Variants in MED27 observed in about 807,000 individuals in gnomAD.
MED27 encodes the protein mediator of RNA polymerase II transcription subunit 27.
A neutral mutation model predicts 38.2 loss-of-function variants in MED27; 30 were observed. The observed-to-expected ratio is 0.79, with a 90% confidence interval of 0.59 to 1.07. The LOEUF is 1.07. Among genes scored for constraint, MED27 ranks in the 50% least tolerant of loss-of-function variants. MED27 has a pLI of 0.00. For missense variants in MED27, 289 were observed against 397.5 expected, an observed-to-expected ratio of 0.73 and a Z score of 2.32; for synonymous variants, 122 against 153.5, an observed-to-expected ratio of 0.79 and a Z score of 1.52.
chr9:132,000,276 G>A (rs764281587), intron 3 of MED27, among the ~76,000 whole-genome samples: 1 of 151,914 alleles, frequency 6.6e-6, no homozygotes, highest in Non-Finnish European at 1.5e-5. Flanking sequence ...TACTCATTAC[G>A]GAAATTCATG....
chr9:131,965,875 G>A (rs987125143), intron 3 of MED27, among the ~76,000 whole-genome samples: 7 of 151,692 alleles, frequency 4.6e-5, no homozygotes, highest in South Asian at 2.1e-4. Context: ...ACCACCACCC[G>A]CTGGGAATTC....
At chr9:131,898,446 C>T (rs975020626) in intron 4 of MED27, among the ~76,000 whole-genome samples, 1 of 152,130 alleles carries the variant, frequency 6.6e-6, no homozygotes, top group African/African-American at 2.4e-5. Context: ...AACTCCTGAC[C>T]TCAGGTGATC....
chr9:131,917,878 A>G lies in MED27; in HGVS notation c.573+21503T>C, dbSNP rs190381239. Reference sequence around the variant, plus strand: ...AAACTGAATTAGACAGCCTTAAAAAAATAAAAATAAAAATAAAGGTAGTGG... The same window carrying G: ...AAACTGAATTAGACAGCCTTAAAAAGATAAAAATAAAAATAAAGGTAGTGG... On this transcript the variant is annotated intron_variant, in intron 4 of 7. Transcript: ENST00000292035. This position sits in a 1 kb window ranked among gnomAD's most constrained non-coding sequence, Gnocchi z 4.6. Among the ~76,000 whole-genome samples the G allele has an allele frequency of 2.2e-3, 329 of 152,334 alleles. No individual in the cohort carries two copies. Among genetic ancestry groups the G allele is most frequent in the Non-Finnish European group, 3.7e-3 (254 of 68,030 alleles).
chr9:131,935,324 C>T (rs1830662748), intron 4 of MED27, among the ~76,000 whole-genome samples: 1 of 152,180 alleles, frequency 6.6e-6, no homozygotes, highest in East Asian at 1.9e-4. Flanking sequence ...ATCAAAGTGT[C>T]TCATATACCC....
At chr9:132,075,103 A>G (rs1834015881) in intron 2 of MED27, among the ~76,000 whole-genome samples, 1 of 152,250 alleles carries the variant, frequency 6.6e-6, no homozygotes, top group African/African-American at 2.4e-5. Flanking sequence ...AGTTTCATGA[A>G]TAAAATATAA....
chr9:131,906,253 G>C (rs1483483704), intron 4 of MED27, among the ~76,000 whole-genome samples: 1 of 152,208 alleles, frequency 6.6e-6, no homozygotes, highest in African/African-American at 2.4e-5. Flanking sequence ...GATGGGGGAG[G>C]GGGTTGTGGG....
intron 3 of MED27, among the ~76,000 whole-genome samples, chr9:131,963,563 A>C (rs993914497): frequency 4.6e-5 from 7 of 152,148 alleles, no homozygotes; most frequent in African/African-American, 1.7e-4. Flanking sequence ...CTGCTGGAGA[A>C]TGTGCCCTTT....
chr9:131,898,850 G>A (rs552362423), intron 4 of MED27, among the ~76,000 whole-genome samples: 9 of 152,200 alleles, frequency 5.9e-5, no homozygotes, highest in Non-Finnish European at 1.3e-4. Context: ...CTCCCAAAGT[G>A]CTGGGATTAT....
intron 2 of MED27, among the ~76,000 whole-genome samples, chr9:132,061,703 G>A (rs977954832): frequency 5.3e-5 from 8 of 152,180 alleles, no homozygotes; most frequent in African/African-American, 1.4e-4. Context: ...GCCACCCACC[G>A]GGCCCCAGAG....
At chr9:132,069,200 G>A (rs953212162) in intron 2 of MED27, among the ~76,000 whole-genome samples, 12 of 152,248 alleles carry the variant, frequency 7.9e-5, no homozygotes, top group Non-Finnish European at 1.8e-4. Flanking sequence ...GTATCAACAT[G>A]AGTCCCCATG....
chr9:131,989,453 C>G (rs1028034888), intron 3 of MED27, among the ~76,000 whole-genome samples: 1 of 152,142 alleles, frequency 6.6e-6, no homozygotes, highest in South Asian at 2.1e-4. Flanking sequence ...CTGATTACCC[C>G]CTTTGTAGGT....
intron 4 of MED27, among the ~76,000 whole-genome samples, chr9:131,903,877 G>A (rs1273543177): frequency 3.4e-5 from 5 of 146,440 alleles, no homozygotes; most frequent in Non-Finnish European, 6.0e-5. Context: ...ATAGGCATGC[G>A]CCACCACACA....
chr9:131,862,306 A>G lies in MED27; in HGVS notation c.801+757T>C, dbSNP rs1838664415. Among the ~76,000 whole-genome samples the G allele has an allele frequency of 6.6e-6, 1 of 152,200 alleles. No individual in the cohort carries two copies. ...CATGAAGAAAACAGGGAGTCCCAGC[A>G]GCGGTGGATGATGGGGTCTGCTGGC... On this transcript the variant is annotated intron_variant, in intron 7 of 7. Transcript: ENST00000292035. This position sits in a 1 kb window ranked among gnomAD's most constrained non-coding sequence, Gnocchi z 4.6.
chr9:132,021,645 G>A (rs1358832419), intron 2 of MED27, among the ~76,000 whole-genome samples: 1 of 152,214 alleles, frequency 6.6e-6, no homozygotes, highest in Non-Finnish European at 1.5e-5. Flanking sequence ...GTCACCTGGT[G>A]TCAGGGGTTG....
At chr9:131,897,875 T>C (rs1043110000) in intron 4 of MED27, among the ~76,000 whole-genome samples, 1 of 152,238 alleles carries the variant, frequency 6.6e-6, no homozygotes, top group African/African-American at 2.4e-5. Context: ...CCAAATATGG[T>C]CCACACAATG....
At chr9:131,869,442 A>C (rs1354039378) in intron 6 of MED27, 1 of 976,008 alleles carries the variant, frequency 1.0e-6, no homozygotes, top group African/African-American at 1.8e-5. Flanking sequence ...ACTCTGTGGC[A>C]GCCGAGGTTC....
intron 2 of MED27, among the ~76,000 whole-genome samples, chr9:132,016,621 T>C (rs997141888): frequency 1.3e-5 from 2 of 152,220 alleles, no homozygotes; most frequent in Non-Finnish European, 2.9e-5. Flanking sequence ...GAGTGCAATA[T>C]GCATGGGGCT....
intron 2 of MED27, among the ~76,000 whole-genome samples, chr9:132,065,808 C>A (rs1254191762): frequency 1.3e-5 from 2 of 152,192 alleles, no homozygotes; most frequent in African/African-American, 2.4e-5. Context: ...TGGGTGTCGC[C>A]CGGGGGAAAA....
At chr9:132,057,790 C>T (rs181603306) in intron 2 of MED27, among the ~76,000 whole-genome samples, 1 of 152,280 alleles carries the variant, frequency 6.6e-6, no homozygotes, top group Admixed American at 6.5e-5. Flanking sequence ...AATGCCCCCT[C>T]CACTTCCTCA....
Sources: allele counts gnomAD v4.1 joint callset (sites outside exome capture counted in the v4.1 genomes callset), GRCh38; gene constraint gnomAD v4.1.1; non-coding constraint Gnocchi (gnomAD v3.1); transcripts MANE v1.5; gene names NCBI Gene and HGNC (gene_info 2026-07-23, HGNC 2026-07-21).